Variants in SLC12A7 observed in about 807,000 individuals in gnomAD.
The protein encoded by SLC12A7 is solute carrier family 12 member 7, also known as K-Cl cotransporter 4.
SLC12A7 carries 100 observed loss-of-function variants against 120.6 expected under a neutral mutation model. That is an observed-to-expected ratio of 0.83 (90% CI 0.71 to 0.98). SLC12A7 has a LOEUF of 0.98. Among genes scored for constraint, SLC12A7 ranks in the 50% least tolerant of loss-of-function variants. The pLI is 0.00. For synonymous variants in SLC12A7, 760 were observed against 678.0 expected, an observed-to-expected ratio of 1.12 and a Z score of -1.88; for missense variants, 1,373 against 1,548.1, an observed-to-expected ratio of 0.89 and a Z score of 1.90.
intron 9 of SLC12A7, among the ~76,000 whole-genome samples, chr5:1,080,807 C>T (rs2150845588): frequency 6.6e-6 from 1 of 152,358 alleles, no homozygotes; most frequent in Non-Finnish European, 1.5e-5. Flanking sequence ...TCCTAGGTGT[C>T]TCCTAACAGC....
At chr5:1,119,452 C>G in the SLC12A7 span, among the ~76,000 whole-genome samples, 7 of 152,206 alleles carry the variant, frequency 4.6e-5, no homozygotes, top group Non-Finnish European at 1.0e-4. Context: ...CATCCCTGCC[C>G]GGGTGACGCC....
intron 3 of SLC12A7, among the ~76,000 whole-genome samples, chr5:1,090,241 G>A (rs1026022815): frequency 3.3e-5 from 5 of 152,216 alleles, no homozygotes; most frequent in Admixed American, 3.3e-4. Context: ...GCCTCCCACA[G>A]ACTGGCCAAG....
In SLC12A7 at chr5:1,081,005, GAGACAGAC is replaced by G. The variant is rs1197459231; in HGVS notation, c.1297+564_1297+571del. Among the ~76,000 whole-genome samples, 484 of 63,768 alleles carry G rather than the reference GAGACAGAC, an allele frequency of 7.6e-3. 4 individuals are homozygous for G. The highest frequency in any genetic ancestry group is 0.026 in the South Asian group (60 of 2,288). 41.8% of individuals were successfully genotyped at this position (63,768 alleles called of 152,430 possible). A position where few individuals can be genotyped will look rare whatever the true frequency, so the allele number is the denominator to read the frequency against. On this transcript the variant is annotated intron_variant, in intron 9 of 23. Transcript: ENST00000264930. ...CACTACAGAGAGAGAGACAGAGAGA[GAGACAGAC>G]AGACAGACAGAGAGAGAGAGAGGGA...
chr5:1,077,878 G>A lies in SLC12A7; in HGVS notation c.1584C>T (p.Arg528=). The A allele has an allele frequency of 6.3e-7, 1 of 1,598,148 alleles. No homozygotes were observed. The highest frequency in any genetic ancestry group is 8.5e-7 in the Non-Finnish European group (1 of 1,173,132). The change falls in exon 12 of 24, where the codon CGC becomes CGT. Residue 528 remains arginine, a synonymous_variant. Coordinates refer to ENST00000264930, the MANE Select transcript of SLC12A7 (RefSeq NM_006598.3). ...AGLQSLTGAP[R]LLQAIARDGI... ...CGTCACGGGCAATGGCCTGCAGTAGGCGCGGTGCCCCCGTGAGGCTCTGCA... is the reference window on the plus strand; with the variant it reads ...CGTCACGGGCAATGGCCTGCAGTAGACGCGGTGCCCCCGTGAGGCTCTGCA...
the SLC12A7 span, among the ~76,000 whole-genome samples, chr5:1,136,908 T>C: frequency 6.6e-6 from 1 of 150,808 alleles, no homozygotes; most frequent in African/African-American, 2.5e-5. Context: ...GGCACACATG[T>C]GCTCAGACAC....
rs767529128 is a variant in SLC12A7 at position 1,085,518 on chromosome 5, C to A, written c.676-45G>T. ...CGGGAGGCCGTCCCCGGACACAACT[C>A]CCCAGTGCCCGTCCCTCCCGCAAGC... On this transcript the variant is annotated intron_variant, in intron 6 of 23. Transcript: ENST00000264930. 5.1e-5 allele frequency: 78 copies of A among 1,529,416 alleles called. 1 individual carries two copies. The Middle Eastern group carries it at 3.3e-3, about 65-fold the overall frequency. 94.7% of individuals were successfully genotyped at this position (1,529,416 alleles called of 1,614,324 possible).
At chr5:1,076,959 G>T in intron 12 of SLC12A7, 147 bp from the exon 13 acceptor site, 1 of 644,326 alleles carries the variant, frequency 1.6e-6, no homozygotes, top group South Asian at 1.8e-5. Context: ...GACATCACGC[G>T]GCTGGCCTGG....
At chr5:1,147,343 C>T in the SLC12A7 span, among the ~76,000 whole-genome samples, 537 of 148,758 alleles carry the variant, frequency 3.6e-3, 6 homozygotes, top group African/African-American at 0.012. Flanking sequence ...GACTCTGTGG[C>T]GGTAAGACCC....
the SLC12A7 span, among the ~76,000 whole-genome samples, chr5:1,121,284 G>T: frequency 6.6e-6 from 1 of 152,236 alleles, no homozygotes; most frequent in Non-Finnish European, 1.5e-5. Context: ...GACTTTACAC[G>T]TGGAGTTCCC....
intron 13 of SLC12A7, among the ~76,000 whole-genome samples, chr5:1,076,491 T>A (rs1738358670): frequency 7.4e-6 from 1 of 135,592 alleles, no homozygotes; most frequent in Admixed American, 7.7e-5. Context: ...AGCCACACTG[T>A]CCCTGGCTGA....
Position 1,085,156 on chromosome 5 carries a change from A to G in SLC12A7, c.917+76T>C, listed in dbSNP as rs1579390239. ...GGGAGCTCGGCGTCAAGGATGATGG[A>G]CGAGAGGCGGGCAGAGCCCATGGGA... is the stretch of plus-strand genomic sequence containing the variant. On this transcript the variant is annotated intron_variant, in intron 7 of 23. Coordinates refer to ENST00000264930, the MANE Select transcript of SLC12A7 (RefSeq NM_006598.3). 3 of 1,562,300 alleles carry G rather than the reference A, an allele frequency of 1.9e-6. No homozygotes were observed. The East Asian group carries it at 6.8e-5, about 36-fold the overall frequency.
chr5:1,066,476 G>A (rs1737067244), intron 17 of SLC12A7, among the ~76,000 whole-genome samples: 1 of 152,154 alleles, frequency 6.6e-6, no homozygotes, highest in African/African-American at 2.4e-5. Flanking sequence ...GTACATGTGT[G>A]GCAGATATGA....
At chr5:1,125,533 G>T in the SLC12A7 span, among the ~76,000 whole-genome samples, 1 of 152,154 alleles carries the variant, frequency 6.6e-6, no homozygotes, top group Non-Finnish European at 1.5e-5. Context: ...AGTTTATCTA[G>T]GGTGGGAGAC....
rs575277870 is a variant in SLC12A7, at chr5:1,053,306, G to A, written c.3160+43C>T. On this transcript the variant is annotated intron_variant, in intron 23 of 23. Transcript: ENST00000264930. The stretch of plus-strand genomic sequence containing the variant: ...CCAGGTCTTAGCGAGAAGCCACCAG[G>A]GGGTGCCCGCACGCTCAGCAGGCAC... The A allele has an allele frequency of 6.9e-6, 11 of 1,596,900 alleles. No individual in the cohort carries two copies. In the Admixed American group the frequency reaches 1.4e-4, roughly 20 times the overall value.
At chr5:1,139,660 G>A in the SLC12A7 span, among the ~76,000 whole-genome samples, 9 of 152,270 alleles carry the variant, frequency 5.9e-5, no homozygotes, top group Admixed American at 5.9e-4. Context: ...CGCACAGCCT[G>A]CCTTCCCCGA....
chr5:1,093,546 C>T lies in SLC12A7; in HGVS notation c.329G>A (p.Arg110Gln), dbSNP rs200024551. 3.0e-5 allele frequency: 48 copies of T among 1,594,296 alleles called. No individual in the cohort carries two copies. Among genetic ancestry groups the T allele is most frequent in the Middle Eastern group, 1.7e-4 (1 of 5,792 alleles). ...VEHEEDEESR[R>Q]REAKAPRMGT... ...GGGTGGCAGTACCTTGGCCTCCCGC[C>T]GCCGGCTCTCCTCGTCCTCCTCGTG... The change falls in exon 3 of 24, where the codon CGG becomes CAG. Residue 110 changes from arginine (R) to glutamine (Q), a missense_variant. Coordinates refer to ENST00000264930, the MANE Select transcript of SLC12A7 (RefSeq NM_006598.3).
At chr5:1,057,690 A>C in intron 21 of SLC12A7, 41 bp from the exon 22 acceptor site, 1 of 1,557,196 alleles carries the variant, frequency 6.4e-7, no homozygotes, top group South Asian at 1.2e-5. Flanking sequence ...CGGTCTCAAA[A>C]CTCCTCTGGG....
intron 22 of SLC12A7, among the ~76,000 whole-genome samples, chr5:1,055,350 G>A (rs955282310): frequency 6.6e-6 from 1 of 152,146 alleles, no homozygotes; most frequent in Admixed American, 6.5e-5. Context: ...CACGTCCACC[G>A]GCAGGTGCGC....
chr5:1,129,549 G>C, the SLC12A7 span, among the ~76,000 whole-genome samples: 1 of 152,026 alleles, frequency 6.6e-6, no homozygotes, highest in Non-Finnish European at 1.5e-5. Context: ...AAACCACAGC[G>C]TCCCAGGCGA....
Sources: allele counts gnomAD v4.1 joint callset (sites outside exome capture counted in the v4.1 genomes callset), GRCh38; gene constraint gnomAD v4.1.1; transcripts MANE v1.5; gene names NCBI Gene and HGNC (gene_info 2026-07-23, HGNC 2026-07-21).